RALY: variants seen among roughly 807,000 people sequenced by gnomAD.
RALY encodes the protein RNA-binding protein Raly.
Under a neutral mutation model 30.7 loss-of-function variants are expected in RALY, and 15 were observed. The ratio of observed to expected loss-of-function variants is 0.49; its 90% CI spans 0.33 to 0.75. RALY has a LOEUF of 0.75. Among genes scored for constraint, RALY ranks in the 30% least tolerant of loss-of-function variants. The pLI is 0.02. For synonymous variants in RALY, 177 were observed against 170.8 expected (o/e 1.04, Z -0.28); for missense variants, 339 against 414.3 (o/e 0.82, Z 1.58).
intron 1 of RALY, among the ~76,000 whole-genome samples, chr20:34,027,473 GCTT>G (rs1380646052): frequency 5.3e-5 from 8 of 152,190 alleles, no homozygotes. Flanking sequence ...TTAAATCTTT[GCTT>G]CTTCTGTGAA....
chr20:34,058,710 G>A (rs2033329792), intron 2 of RALY, among the ~76,000 whole-genome samples: 1 of 152,098 alleles, frequency 6.6e-6, no homozygotes, highest in South Asian at 2.1e-4. Flanking sequence ...AGATGTCCAA[G>A]GTCACACAAC....
intron 1 of RALY, among the ~76,000 whole-genome samples, chr20:34,028,999 G>C (rs759229048): frequency 1.3e-5 from 2 of 152,128 alleles, no homozygotes; most frequent in Non-Finnish European, 2.9e-5. Flanking sequence ...AGGACCATTA[G>C]TCTGGCTGTG....
At chr20:34,000,860 A>G (rs1049977672) in intron 1 of RALY, among the ~76,000 whole-genome samples, 32 of 152,206 alleles carry the variant, frequency 2.1e-4, no homozygotes, top group Admixed American at 2.0e-3. Flanking sequence ...TGTTAATTGT[A>G]ATTATCTAAT....
intron 1 of RALY, among the ~76,000 whole-genome samples, chr20:34,029,479 AG>A (rs1313789246): frequency 8.9e-5 from 1 of 11,182 alleles, no homozygotes; most frequent in African/African-American, 1.6e-3. Flanking sequence ...GAGGGAGGAA[AG>A]GGAGGGAGGG....
chr20:34,056,703 A>G (rs979220165), intron 2 of RALY, among the ~76,000 whole-genome samples: 1 of 152,214 alleles, frequency 6.6e-6, no homozygotes, highest in Admixed American at 6.5e-5. Flanking sequence ...ACATGAAAAC[A>G]GTAATGAGGA....
At chr20:33,994,829 C>T (rs1050295103) in intron 1 of RALY, among the ~76,000 whole-genome samples, 7 of 152,084 alleles carry the variant, frequency 4.6e-5, no homozygotes, top group South Asian at 2.1e-4. Flanking sequence ...TGTTTAACAC[C>T]GACAGGGAAC....
intron 1 of RALY, among the ~76,000 whole-genome samples, chr20:34,029,509 GGAGA>G (rs1414747095): frequency 8.4e-6 from 1 of 118,786 alleles, no homozygotes; most frequent in Non-Finnish European, 1.7e-5. Context: ...AGGGAGGGAG[GGAGA>G]TGATTTGGAT....
intron 2 of RALY, among the ~76,000 whole-genome samples, chr20:34,033,497 G>T (rs1413719846): frequency 6.6e-6 from 1 of 152,188 alleles, no homozygotes; most frequent in Admixed American, 6.5e-5. Flanking sequence ...TTCTACTGTG[G>T]TGGAAAGGGA....
In RALY at chr20:34,036,480, T is replaced by C. The variant is rs192165463; in HGVS notation, c.-10+4876T>C. On this transcript the variant is annotated intron_variant, in intron 2 of 9. Transcript: ENST00000246194. ...TTTTTATATGGAGTTAGATTTGATTTGCTGGGGAATATTGTTCTGTAGTTT... is the reference window on the plus strand; with the variant it reads ...TTTTTATATGGAGTTAGATTTGATTCGCTGGGGAATATTGTTCTGTAGTTT... 1.3e-3 allele frequency among the ~76,000 whole-genome samples: 195 copies of C among 152,350 alleles called. 3 individuals carry two copies. Among genetic ancestry groups the C allele is most frequent in the Non-Finnish European group, 1.2e-3 (85 of 68,040 alleles).
chr20:34,049,691 C>A (rs2033010986), intron 2 of RALY, among the ~76,000 whole-genome samples: 1 of 152,168 alleles, frequency 6.6e-6, no homozygotes, highest in Admixed American at 6.5e-5. Flanking sequence ...ATCATTAATT[C>A]ATTGAACCTT....
intron 2 of RALY, among the ~76,000 whole-genome samples, chr20:34,063,316 G>A (rs1254471179): frequency 6.6e-6 from 1 of 152,132 alleles, no homozygotes; most frequent in Admixed American, 6.5e-5. Flanking sequence ...TGTCAGCAAA[G>A]CCAAGACCAT....
At chr20:34,038,632 A>G (rs1198560368) in intron 2 of RALY, among the ~76,000 whole-genome samples, 4 of 152,332 alleles carry the variant, frequency 2.6e-5, no homozygotes, top group African/African-American at 9.6e-5. Context: ...GGTAAAAGAT[A>G]AAAGATATCT....
chr20:34,066,422 T>A (rs2033574641), intron 2 of RALY, among the ~76,000 whole-genome samples: 1 of 152,194 alleles, frequency 6.6e-6, no homozygotes, highest in African/African-American at 2.4e-5. Context: ...GAGGTTGCAG[T>A]GAGCCAAGAT....
In RALY at chr20:34,080,754, C is replaced by T. The variant is rs1452870542; in HGVS notation, c.*849C>T. ...TGACTCTTCATCATCAGGACAAAAC[C>T]CTACCTCCTGAATGTAGGGTGTAAG... is the stretch of plus-strand genomic sequence containing the variant. On this transcript the variant is annotated 3_prime_UTR_variant, in exon 10 of 10. Transcript: ENST00000246194. 6.6e-6 allele frequency: 1 copy of T among 152,412 alleles called. No individual in the cohort carries two copies. Among genetic ancestry groups the T allele is most frequent in the Non-Finnish European group, 1.5e-5 (1 of 68,110 alleles). The allele number at this position is 152,412 out of a possible 1,614,324, so 9.4% of individuals were successfully genotyped here.
intron 2 of RALY, among the ~76,000 whole-genome samples, chr20:34,054,761 G>T (rs2033188488): frequency 6.6e-6 from 1 of 151,900 alleles, no homozygotes; most frequent in South Asian, 2.1e-4. Context: ...GGGAGGTGGA[G>T]GTTGCAGTGA....
At chr20:34,019,331 GA>G (rs112980925) in intron 1 of RALY, among the ~76,000 whole-genome samples, 61 of 141,516 alleles carry the variant, frequency 4.3e-4, no homozygotes, top group South Asian at 1.1e-3. Context: ...TGTCTCAAAA[GA>G]AAAAAAAAAA....
At chr20:34,073,926 A>T (rs1344034377) in intron 5 of RALY, 60 bp downstream of exon 5, 2 of 1,567,014 alleles carry the variant, frequency 1.3e-6, no homozygotes, top group East Asian at 4.5e-5. Context: ...GTCTTGAGAG[A>T]TTGTTGGTGC....
At chr20:34,000,152 C>T (rs778141497) in intron 1 of RALY, among the ~76,000 whole-genome samples, 1 of 152,112 alleles carries the variant, frequency 6.6e-6, no homozygotes, top group Non-Finnish European at 1.5e-5. Context: ...ACAACTTCCC[C>T]CTGGGTACTG....
At chr20:34,064,188 A>G (rs1219162972) in intron 2 of RALY, among the ~76,000 whole-genome samples, 2 of 152,138 alleles carry the variant, frequency 1.3e-5, no homozygotes, top group Non-Finnish European at 2.9e-5. Flanking sequence ...GATTATAGGC[A>G]TAAGTTACCT....
Sources: allele counts gnomAD v4.1 joint callset (sites outside exome capture counted in the v4.1 genomes callset), GRCh38; gene constraint gnomAD v4.1.1; transcripts MANE v1.5; gene names NCBI Gene and HGNC (gene_info 2026-07-23, HGNC 2026-07-21).